EFCAB10: variants seen among roughly 807,000 people sequenced by gnomAD.
EFCAB10 encodes the protein EF-hand calcium binding domain 10.
Under a neutral mutation model 7.7 loss-of-function variants are expected in EFCAB10, and 7 were observed. The ratio of observed to expected loss-of-function variants is 0.91; its 90% CI spans 0.52 to 1.72. The LOEUF (loss-of-function observed/expected upper bound fraction) is 1.72. EFCAB10 is among the 40% of genes most tolerant of loss of function. The probability of loss-of-function intolerance (pLI) is 0.00; values close to 1 mark genes in which losing one functional copy is unlikely to be tolerated. For synonymous variants in EFCAB10, 52 were observed against 21.0 expected (o/e 2.47, Z -4.03); for missense variants, 112 against 61.5 (o/e 1.82, Z -2.74).
chr7:105,573,984 T>A (rs1792007716), intron 1 of EFCAB10, among the ~76,000 whole-genome samples: 1 of 152,142 alleles, frequency 6.6e-6, no homozygotes, highest in Admixed American at 6.6e-5. Flanking sequence ...TGGGTTACTA[T>A]TAATATAATT....
rs202008558 is a variant in EFCAB10, at chr7:105,567,152, C to A, written c.383+315G>T. 8 of 1,584,564 alleles carry A rather than the reference C, an allele frequency of 5.0e-6. No homozygotes were observed. The highest frequency in any genetic ancestry group is 6.8e-6 in the Non-Finnish European group (8 of 1,169,804). On this transcript the variant is annotated intron_variant, in intron 4 of 4. Transcript: ENST00000480514. ...AAGCCTGTATTGTTTTGAATTTGAA[C>A]GTCGGTTCTGCACTACTGCTGAAAG...
intron 1 of EFCAB10, among the ~76,000 whole-genome samples, chr7:105,575,854 A>G (rs879718010): frequency 6.6e-6 from 1 of 152,110 alleles, no homozygotes; most frequent in Non-Finnish European, 1.5e-5. Flanking sequence ...CCTGACCAAC[A>G]TGGAGAAACC....
Position 105,565,183 on chromosome 7 carries a change from C to A in EFCAB10, c.*264G>T. ...TATATTTTTTCTTATCCAAAATGCC[C>A]TAGGACAGAACACTTCCTCAAATTT... On this transcript the variant is annotated 3_prime_UTR_variant, in exon 5 of 5. Transcript: ENST00000480514. 8.9e-7 allele frequency: 1 copy of A among 1,123,824 alleles called. No homozygotes were observed. 69.6% of individuals were successfully genotyped at this position (1,123,824 alleles called of 1,614,324 possible). A position where few individuals can be genotyped will look rare whatever the true frequency, so the allele number is the denominator to read the frequency against.
At chr7:105,570,290 T>TACACATACACAC (rs1406299743) in intron 1 of EFCAB10, among the ~76,000 whole-genome samples, 2 of 118,760 alleles carry the variant, frequency 1.7e-5, no homozygotes, top group East Asian at 5.2e-4. Flanking sequence ...CACATACATA[T>TACACATACACAC]ACACATACAC....
chr7:105,577,157 C>G (rs897286867), intron 1 of EFCAB10, among the ~76,000 whole-genome samples: 5 of 152,156 alleles, frequency 3.3e-5, no homozygotes, highest in Non-Finnish European at 7.3e-5. Context: ...GACTTCCCTT[C>G]CACCAAAGAG....
chr7:105,569,875 TAGAG>T (rs1252362724), intron 1 of EFCAB10, among the ~76,000 whole-genome samples: 1 of 151,694 alleles, frequency 6.6e-6, no homozygotes, highest in Non-Finnish European at 1.5e-5. Context: ...ACCAAAAACA[TAGAG>T]GGAACAGCAT....
At chr7:105,580,986 G>A (rs984959693) in intron 1 of EFCAB10, among the ~76,000 whole-genome samples, 1 of 152,148 alleles carries the variant, frequency 6.6e-6, no homozygotes, top group African/African-American at 2.4e-5. Context: ...TTGAGGCGCC[G>A]AGGCGTGCAG....
intron 1 of EFCAB10, among the ~76,000 whole-genome samples, chr7:105,580,657 T>C (rs923715066): frequency 1.3e-5 from 2 of 152,118 alleles, no homozygotes; most frequent in Non-Finnish European, 2.9e-5. Context: ...AAAATTGGAA[T>C]GTTTGGTATT....
At chr7:105,570,260 T>A (rs1429014010) in intron 1 of EFCAB10, among the ~76,000 whole-genome samples, 1 of 95,614 alleles carries the variant, frequency 1.0e-5, no homozygotes, top group Non-Finnish European at 2.0e-5. Context: ...TATATATATA[T>A]ATATATATAC....
At chr7:105,580,360 C>G (rs554430060) in intron 1 of EFCAB10, among the ~76,000 whole-genome samples, 2 of 152,120 alleles carry the variant, frequency 1.3e-5, no homozygotes, top group South Asian at 2.1e-4. Context: ...GTAGCAGACA[C>G]GAGGTTTCAC....
chr7:105,573,691 T>C (rs1211809925), intron 1 of EFCAB10: 1 of 152,338 alleles, frequency 6.6e-6, no homozygotes, highest in East Asian at 1.9e-4. Context: ...ATCTTAATCA[T>C]AATAGCTATC....
At chr7:105,574,751 G>A (rs1792033507) in intron 1 of EFCAB10, among the ~76,000 whole-genome samples, 3 of 151,854 alleles carry the variant, frequency 2.0e-5, no homozygotes, top group Admixed American at 2.0e-4. Flanking sequence ...CCAAAGTGCT[G>A]GGTTTACAAG....
intron 1 of EFCAB10, chr7:105,571,380 C>T (rs1791945137): frequency 6.6e-6 from 1 of 152,120 alleles, no homozygotes; most frequent in Non-Finnish European, 1.5e-5. Flanking sequence ...AAATTTTAAA[C>T]GTGGGATCAA....
chr7:105,565,654 C>T lies in EFCAB10; in HGVS notation c.*-207G>A, dbSNP rs201369477. On this transcript the variant is annotated intron_variant, in intron 4 of 4. Transcript: ENST00000480514. ...CCAGAAAATTATTTTAAACAGTAAG[C>T]TCAACATTTAACAATTAATATTAAT... 2.8e-5 allele frequency: 42 copies of T among 1,524,182 alleles called. No individual in the cohort carries two copies. The highest frequency in any genetic ancestry group is 4.5e-5 in the East Asian group (2 of 44,450). 94.4% of individuals were successfully genotyped at this position (1,524,182 alleles called of 1,614,324 possible). A position where few individuals can be genotyped will look rare whatever the true frequency, so the allele number is the denominator to read the frequency against.
Position 105,565,194 on chromosome 7 carries a change from C to T in EFCAB10, c.*253G>A, listed in dbSNP as rs1791649257. On this transcript the variant is annotated 3_prime_UTR_variant, in exon 5 of 5. Transcript: ENST00000480514. ...TTATCCAAAATGCCCTAGGACAGAA[C>T]ACTTCCTCAAATTTAAAATGATTTA... 1 of 1,275,962 alleles carries T rather than the reference C, an allele frequency of 7.8e-7. No individual in the cohort carries two copies. The highest frequency in any genetic ancestry group is 1.1e-6 in the Non-Finnish European group (1 of 928,902). The allele number at this position is 1,275,962 out of a possible 1,614,324, so 79.0% of individuals were successfully genotyped here.
chr7:105,579,259 G>A (rs999061959), intron 1 of EFCAB10, among the ~76,000 whole-genome samples: 14 of 152,164 alleles, frequency 9.2e-5, no homozygotes, highest in African/African-American at 2.9e-4. Flanking sequence ...CTAGAAAGGC[G>A]AGGAGTCGTC....
intron 1 of EFCAB10, among the ~76,000 whole-genome samples, chr7:105,580,450 G>T (rs1038030777): frequency 2.0e-5 from 3 of 152,098 alleles, no homozygotes; most frequent in African/African-American, 7.2e-5. Flanking sequence ...GGGATTACAG[G>T]CCTGAGCCAC....
chr7:105,581,213 T>C (rs940869118), intron 1 of EFCAB10, 145 bp downstream of exon 1: 2 of 598,124 alleles, frequency 3.3e-6, no homozygotes, highest in African/African-American at 3.7e-5. Context: ...TGAGGGACTT[T>C]TATTGAAGGC....
intron 3 of EFCAB10, among the ~76,000 whole-genome samples, chr7:105,568,008 A>G (rs1198366618): frequency 6.6e-6 from 1 of 152,158 alleles, no homozygotes; most frequent in Non-Finnish European, 1.5e-5. Flanking sequence ...GAACAAAACA[A>G]AACACATTGT....
Sources: allele counts gnomAD v4.1 joint callset (sites outside exome capture counted in the v4.1 genomes callset), GRCh38; gene constraint gnomAD v4.1.1; transcripts MANE v1.5; gene names NCBI Gene and HGNC (gene_info 2026-07-23, HGNC 2026-07-21).